The following NUP93 variants were observed in gnomAD, a reference collection of about 807,000 sequenced individuals.
The protein encoded by NUP93 is nucleoporin 93, also known as nuclear pore complex protein Nup93.
A neutral mutation model predicts 107.8 loss-of-function variants in NUP93; 55 were observed. The observed-to-expected ratio is 0.51, with a 90% CI of 0.41 to 0.64. The LOEUF is 0.64. NUP93 is among the 30% of genes least tolerant of loss of function. NUP93 has a pLI of 0.00. For missense variants in NUP93, 937 were observed against 1,044.7 expected (o/e 0.90, Z 1.42); for synonymous variants, 390 against 397.5 (o/e 0.98, Z 0.22).
chr16:56,730,271 C>G (rs1329378700), intron 1 of NUP93, 60 bp downstream of exon 1: 1 of 152,332 alleles, frequency 6.6e-6, no homozygotes, highest in African/African-American at 2.4e-5. Flanking sequence ...CCCAGGACCC[C>G]GTGACTGGGT....
intron 1 of NUP93, among the ~76,000 whole-genome samples, chr16:56,730,518 C>A (rs1463074163): frequency 6.6e-6 from 1 of 152,174 alleles, no homozygotes; most frequent in Non-Finnish European, 1.5e-5. Flanking sequence ...GCCCTCACCT[C>A]CACCTCGTGC....
At chr16:56,816,722 A>G (rs1963440519) in intron 5 of NUP93, among the ~76,000 whole-genome samples, 1 of 152,156 alleles carries the variant, frequency 6.6e-6, no homozygotes. Flanking sequence ...GGAAAAGGGT[A>G]TATTCAGTGG....
At chr16:56,827,922 C>A (rs976802869) in intron 8 of NUP93, among the ~76,000 whole-genome samples, 1 of 152,124 alleles carries the variant, frequency 6.6e-6, no homozygotes, top group Non-Finnish European at 1.5e-5. Flanking sequence ...GAGTTCGAGA[C>A]CAGCCTGGCC....
intron 19 of NUP93, 32 bp downstream of exon 19, chr16:56,839,101 G>A (rs1173083332): frequency 2.1e-6 from 3 of 1,450,664 alleles, no homozygotes; most frequent in Non-Finnish European, 2.9e-6. Context: ...TGAAGTGCAG[G>A]TTAATGTACA....
chr16:56,768,119 T>C (rs1962246934), intron 3 of NUP93, among the ~76,000 whole-genome samples: 1 of 152,262 alleles, frequency 6.6e-6, no homozygotes, highest in Admixed American at 6.5e-5. Context: ...ACTTACCTGC[T>C]GCAGACTGGG....
At chr16:56,773,594 G>A (rs1962360430) in intron 3 of NUP93, among the ~76,000 whole-genome samples, 2 of 152,238 alleles carry the variant, frequency 1.3e-5, no homozygotes, top group Non-Finnish European at 2.9e-5. Context: ...CAGACCAGCA[G>A]CATCAGCATC....
chr16:56,770,139 T>C (rs1187566106), intron 3 of NUP93, among the ~76,000 whole-genome samples: 2 of 152,152 alleles, frequency 1.3e-5, no homozygotes, highest in Non-Finnish European at 2.9e-5. Context: ...CAAACTAACA[T>C]AACAGAATCA....
intron 1 of NUP93, among the ~76,000 whole-genome samples, chr16:56,740,146 G>A (rs1186185625): frequency 1.2e-4 from 17 of 143,338 alleles, no homozygotes; most frequent in African/African-American, 3.2e-4. Flanking sequence ...CCTCCCTCCC[G>A]GACGGGGTGG....
At position 56,762,415 on chromosome 16, in the gene NUP93, A is replaced by G. The variant is rs373136977; in HGVS notation, c.297+3760A>G. ...CTATAATATTTTTAAATGGCATTAG[A>G]CTTTCAAAATAACTAAGAGTGGAAT... On this transcript the variant is annotated intron_variant, in intron 3 of 21. Coordinates refer to ENST00000308159, the MANE Select transcript of NUP93 (RefSeq NM_014669.5). Among the ~76,000 whole-genome samples, 20 of 152,308 alleles carry G rather than the reference A, an allele frequency of 1.3e-4. No homozygotes were observed. The South Asian group carries it at 2.7e-3, about 20-fold the overall frequency.
intron 5 of NUP93, among the ~76,000 whole-genome samples, chr16:56,808,702 A>AAATACATATATAAATATATAT (rs1963238795): frequency 2.4e-5 from 1 of 41,494 alleles, no homozygotes; most frequent in South Asian, 1.0e-3. Context: ...TAAATATATA[A>AAATACATATATAAATATATAT]AAATACATAT....
At chr16:56,749,524 G>C (rs1373665687) in intron 2 of NUP93, among the ~76,000 whole-genome samples, 1 of 152,202 alleles carries the variant, frequency 6.6e-6, no homozygotes, top group African/African-American at 2.4e-5. Context: ...CTGAGATTCT[G>C]TGCAGGAAAT....
chr16:56,805,539 A>C lies in NUP93; in HGVS notation c.396A>C (p.Ser132=), dbSNP rs758243371. The change falls in exon 5 of 22, where the codon TCA becomes TCC. Residue 132 remains serine, a synonymous_variant. Coordinates refer to ENST00000308159, the MANE Select transcript of NUP93 (RefSeq NM_014669.5). Reference sequence around the variant, plus strand: ...TGGCTGAGGAGTACCATCGGGAGTCAATGTTGGTTGAGTGGGAGCAAGTGA... The same window carrying C: ...TGGCTGAGGAGTACCATCGGGAGTCCATGTTGGTTGAGTGGGAGCAAGTGA... ...FGMAEEYHRE[S]MLVEWEQVKQ... 1.9e-6 allele frequency: 3 copies of C among 1,613,948 alleles called. No individual in the cohort carries two copies. The highest frequency in any genetic ancestry group is 1.7e-6 in the Non-Finnish European group (2 of 1,179,976).
chr16:56,808,539 T>G (rs1963224070), intron 5 of NUP93, among the ~76,000 whole-genome samples: 1 of 126,440 alleles, frequency 7.9e-6, no homozygotes, highest in Non-Finnish European at 1.6e-5. Flanking sequence ...TATAGTTATA[T>G]AACTATAAAT....
chr16:56,779,356 C>T (rs1283415992), intron 3 of NUP93, among the ~76,000 whole-genome samples: 1 of 152,188 alleles, frequency 6.6e-6, no homozygotes, highest in African/African-American at 2.4e-5. Context: ...ACTTTAATCC[C>T]TTATATTAAT....
At chr16:56,777,635 A>G (rs557982212) in intron 3 of NUP93, among the ~76,000 whole-genome samples, 1 of 152,338 alleles carries the variant, frequency 6.6e-6, no homozygotes, top group Admixed American at 6.5e-5. Context: ...TGAGCTGTGA[A>G]TGCCATACCA....
chr16:56,758,974 G>T (rs915950492), intron 3 of NUP93, among the ~76,000 whole-genome samples: 2 of 152,122 alleles, frequency 1.3e-5, no homozygotes, highest in Non-Finnish European at 2.9e-5. Flanking sequence ...AGTTTCTTTC[G>T]CTTTCTTTGC....
chr16:56,800,149 C>T (rs1336657879), intron 4 of NUP93, among the ~76,000 whole-genome samples: 12 of 152,172 alleles, frequency 7.9e-5, no homozygotes, highest in Non-Finnish European at 1.2e-4. Flanking sequence ...TGCCACTGCA[C>T]TCCAGCCAGG....
chr16:56,807,463 A>G (rs1025522118), intron 5 of NUP93, among the ~76,000 whole-genome samples: 2 of 152,200 alleles, frequency 1.3e-5, no homozygotes, highest in Admixed American at 1.3e-4. Flanking sequence ...ATTAGAATGT[A>G]AGCTTATTGA....
chr16:56,821,835 G>A (rs1048386282), intron 7 of NUP93, among the ~76,000 whole-genome samples: 28 of 151,552 alleles, frequency 1.8e-4, no homozygotes, highest in Admixed American at 1.7e-3. Context: ...TCTTCAAGCC[G>A]TATTTGCTTT....
Sources: gnomAD v4.1 joint callset for allele counts (sites outside exome capture counted in the v4.1 genomes callset) on GRCh38, gnomAD v4.1.1 for gene constraint, MANE v1.5 for transcripts, NCBI Gene and HGNC (gene_info 2026-07-23, HGNC 2026-07-21) for gene names.